GRIN2A: variants seen among roughly 807,000 people sequenced by gnomAD.
The protein encoded by GRIN2A is glutamate receptor ionotropic, NMDA 2A.
GRIN2A carries 22 observed loss-of-function variants against 113.4 expected under a neutral mutation model. That is an observed-to-expected ratio of 0.19 (90% CI 0.14 to 0.28). GRIN2A has a LOEUF of 0.28. Ranked by LOEUF, GRIN2A falls within the 10% of genes least tolerant of loss-of-function variation. GRIN2A has a pLI of 1.00. For synonymous variants in GRIN2A, 827 were observed against 738.4 expected (o/e 1.12, Z -1.94); for missense variants, 1,502 against 1,887.0 (o/e 0.80, Z 3.78).
chr16:10,078,731 C>A (rs1227122980), intron 2 of GRIN2A, among the ~76,000 whole-genome samples: 2 of 152,164 alleles, frequency 1.3e-5, no homozygotes. Context: ...AAGGGCACAG[C>A]CCCCTTCAGG....
Position 9,764,314 on chromosome 16 carries a change from C to A in GRIN2A, c.3230G>T (p.Ser1077Ile), listed in dbSNP as rs1427368529. The change falls in exon 13 of 13, where the codon AGT becomes ATT. Residue 1077 changes from serine (S) to isoleucine (I), a missense_variant. Physicochemically the swap from Ser to Ile is moderately radical, Grantham distance 142 (BLOSUM62 -2). Coordinates refer to ENST00000330684, the MANE Select transcript of GRIN2A (RefSeq NM_001134407.3). ...RATCHREPDN[S>I]KNHKTKDNFK... Reference sequence around the variant, plus strand: ...GTTGTCCTTGGTTTTGTGGTTCTTACTGTTGTCAGGTTCCCTGTGGCACGT... The same window carrying A: ...GTTGTCCTTGGTTTTGTGGTTCTTAATGTTGTCAGGTTCCCTGTGGCACGT... The A allele has an allele frequency of 6.2e-7, 1 of 1,613,974 alleles. No homozygotes were observed. Among genetic ancestry groups the A allele is most frequent in the South Asian group, 1.1e-5 (1 of 91,078 alleles).
At chr16:10,100,254 A>T (rs1242241969) in intron 2 of GRIN2A, among the ~76,000 whole-genome samples, 2 of 152,238 alleles carry the variant, frequency 1.3e-5, no homozygotes, top group Non-Finnish European at 2.9e-5. Flanking sequence ...AACCGTTTTC[A>T]GCAGAGAAAC....
intron 2 of GRIN2A, among the ~76,000 whole-genome samples, chr16:9,992,808 A>G (rs879139422): frequency 1.3e-5 from 2 of 152,212 alleles, no homozygotes; most frequent in Non-Finnish European, 1.5e-5. Context: ...ATCGGTGCAT[A>G]ACATAAAGCA....
chr16:10,019,818 C>A (rs376933334), intron 2 of GRIN2A, among the ~76,000 whole-genome samples: 5 of 152,160 alleles, frequency 3.3e-5, no homozygotes, highest in Non-Finnish European at 4.4e-5. Flanking sequence ...CCAAAGGGTA[C>A]CAACTCTCCA....
chr16:9,953,692 A>G (rs573959456), intron 2 of GRIN2A, among the ~76,000 whole-genome samples: 28 of 152,142 alleles, frequency 1.8e-4, no homozygotes, highest in Non-Finnish European at 3.8e-4. Flanking sequence ...TACGAGGAGA[A>G]AGCCGGGGAA....
At chr16:10,022,001 C>G (rs564744759) in intron 2 of GRIN2A, among the ~76,000 whole-genome samples, 1 of 152,276 alleles carries the variant, frequency 6.6e-6, no homozygotes, top group African/African-American at 2.4e-5. Flanking sequence ...TAATACCTAT[C>G]TCATAATACC....
At chr16:10,085,605 C>A (rs903064752) in intron 2 of GRIN2A, among the ~76,000 whole-genome samples, 2 of 152,040 alleles carry the variant, frequency 1.3e-5, no homozygotes, top group East Asian at 3.9e-4. Flanking sequence ...CTTGGTTGGC[C>A]GTGTCAAACC....
intron 2 of GRIN2A, among the ~76,000 whole-genome samples, chr16:9,996,052 A>G (rs895497930): frequency 2.4e-4 from 30 of 124,736 alleles, no homozygotes; most frequent in African/African-American, 7.7e-4. Context: ...AAAAAAAAAA[A>G]GAAAGAAAGA....
chr16:9,968,639 C>T (rs962651709), intron 2 of GRIN2A, among the ~76,000 whole-genome samples: 7 of 151,956 alleles, frequency 4.6e-5, no homozygotes, highest in African/African-American at 1.5e-4. Context: ...CAGAGTTTTG[C>T]TCTTGTTACC....
At chr16:9,991,650 C>T (rs1158004248) in intron 2 of GRIN2A, among the ~76,000 whole-genome samples, 3 of 152,156 alleles carry the variant, frequency 2.0e-5, no homozygotes, top group Non-Finnish European at 4.4e-5. Context: ...GAACATGTCA[C>T]ATTTGACTGT....
intron 2 of GRIN2A, among the ~76,000 whole-genome samples, chr16:10,017,865 G>A (rs773226134): frequency 1.3e-5 from 2 of 152,098 alleles, no homozygotes; most frequent in African/African-American, 2.4e-5. Context: ...GACAAGATCC[G>A]ACTGTACTTG....
chr16:10,101,787 A>G (rs2048403409), intron 2 of GRIN2A, among the ~76,000 whole-genome samples: 1 of 152,122 alleles, frequency 6.6e-6, no homozygotes, highest in East Asian at 1.9e-4. Context: ...CCCTCACACA[A>G]CCTTCAGATC....
chr16:9,895,390 A>T (rs1322247054), intron 3 of GRIN2A, among the ~76,000 whole-genome samples: 1 of 152,230 alleles, frequency 6.6e-6, no homozygotes, highest in Non-Finnish European at 1.5e-5. Context: ...CCGTCAGTTC[A>T]CAATAAGTTG....
Position 9,938,019 on chromosome 16 carries a change from G to A in GRIN2A, c.947C>T (p.Ala316Val), listed in dbSNP as rs1452471642. The change falls in exon 3 of 13, where the codon GCC (alanine) becomes GTC (valine). Residue 316 changes from alanine (A) to valine (V), a missense_variant. Physicochemically the swap from Ala to Val is moderately conservative, Grantham distance 64. Around this residue, in one of 7 missense-constraint regions of GRIN2A, gnomAD observed 334 missense variants for 403.0 expected, o/e 0.83. Transcript: ENST00000330684. Reference protein sequence around the residue: ...MLEKFSYIPEAKASCYGQMER... With the variant: ...MLEKFSYIPEVKASCYGQMER... ...CATCTGCCCGTAGCAGCTGGCCTTG[G>A]CCTCGGGGATGTAGGAGAACTTCTC... 2.5e-6 allele frequency: 4 copies of A among 1,613,970 alleles called. No homozygotes were observed. The East Asian group carries it at 8.9e-5, about 36-fold the overall frequency.
intron 2 of GRIN2A, among the ~76,000 whole-genome samples, chr16:10,059,504 TG>T (rs1171062033): frequency 6.6e-6 from 1 of 152,078 alleles, no homozygotes; most frequent in African/African-American, 2.4e-5. Context: ...TGGCTTTGAC[TG>T]GTGGTAGAAA....
intron 2 of GRIN2A, among the ~76,000 whole-genome samples, chr16:10,096,539 A>AACACACATACACAC (rs1555478918): frequency 2.2e-5 from 3 of 137,670 alleles, no homozygotes; most frequent in Non-Finnish European, 3.1e-5. Context: ...ATTGTGGTAA[A>AACACACATACACAC]ACACACACAC....
chr16:10,067,731 C>A (rs1442299405), intron 2 of GRIN2A, among the ~76,000 whole-genome samples: 1 of 152,108 alleles, frequency 6.6e-6, no homozygotes, highest in Non-Finnish European at 1.5e-5. Context: ...ACTGGGGACA[C>A]ATTCCCACCC....
intron 9 of GRIN2A, among the ~76,000 whole-genome samples, chr16:9,828,796 T>C (rs1053154624): frequency 6.6e-6 from 1 of 152,024 alleles, no homozygotes; most frequent in Non-Finnish European, 1.5e-5. Flanking sequence ...TAAGGGAAGA[T>C]TAGTGATATA....
chr16:10,126,272 C>A (rs978853697), intron 2 of GRIN2A, among the ~76,000 whole-genome samples: 3 of 151,928 alleles, frequency 2.0e-5, no homozygotes, highest in Non-Finnish European at 2.9e-5. Flanking sequence ...AAGTGATCCT[C>A]CTGCCTCAGG....
Sources: allele counts gnomAD v4.1 joint callset (sites outside exome capture counted in the v4.1 genomes callset), GRCh38; gene constraint gnomAD v4.1.1; regional missense constraint gnomAD v4.1.1; transcripts MANE v1.5; gene names NCBI Gene and HGNC (gene_info 2026-07-23, HGNC 2026-07-21).